The following AMN1 variants were observed in gnomAD, a reference collection of about 807,000 sequenced individuals.
The protein encoded by AMN1 is protein AMN1 homolog.
Under a neutral mutation model 33.0 loss-of-function variants are expected in AMN1, and 20 were observed. The observed-to-expected ratio is 0.61, with a 90% CI of 0.43 to 0.88. The LOEUF is 0.88. AMN1 is among the 40% of genes least tolerant of loss of function. The probability of loss-of-function intolerance (pLI) is 0.00; values close to 1 mark genes in which losing one functional copy is unlikely to be tolerated. For missense variants in AMN1, 246 were observed against 307.4 expected (o/e 0.80, Z 1.49); for synonymous variants, 114 against 111.9 (o/e 1.02, Z -0.12).
chr12:31,727,777 C>A (rs1372164912), intron 1 of AMN1, among the ~76,000 whole-genome samples: 1 of 149,292 alleles, frequency 6.7e-6, no homozygotes, highest in Non-Finnish European at 1.5e-5. Context: ...CGCCTAGCAG[C>A]CTAGGCGTGC....
intron 5 of AMN1, 50 bp downstream of exon 5, chr12:31,697,311 A>T: frequency 5.3e-6 from 8 of 1,506,064 alleles, no homozygotes; most frequent in Non-Finnish European, 7.3e-6. Context: ...ATAATTTCTA[A>T]GAATATAAAA....
intron 6 of AMN1, among the ~76,000 whole-genome samples, chr12:31,678,195 C>T (rs1021184626): frequency 6.6e-6 from 1 of 152,168 alleles, no homozygotes; most frequent in Non-Finnish European, 1.5e-5. Context: ...TTATTAACCT[C>T]CCTTTTCGTA....
At chr12:31,692,795 T>C (rs1938560102) in intron 5 of AMN1, among the ~76,000 whole-genome samples, 1 of 152,138 alleles carries the variant, frequency 6.6e-6, no homozygotes, top group Non-Finnish European at 1.5e-5. Context: ...AGTAAATGCT[T>C]AATAAATATT....
intron 6 of AMN1, among the ~76,000 whole-genome samples, chr12:31,681,790 C>T (rs1026676610): frequency 9.5e-4 from 144 of 152,250 alleles, no homozygotes; most frequent in Admixed American, 9.4e-3. Flanking sequence ...ATCCTCCCAC[C>T]TCAGCCTCCC....
intron 6 of AMN1, among the ~76,000 whole-genome samples, chr12:31,676,591 C>G (rs182690789): frequency 0.013 from 1,965 of 148,234 alleles, 82 homozygotes; most frequent in African/African-American, 0.046. Flanking sequence ...CAAAGTGCTG[C>G]AATTACAGGT....
rs1200766569 is a variant in AMN1, at chr12:31,697,428, G to A, written c.535-11C>T. ...ACCACTGTCAGATACCTAAGCAAAG[G>A]GAAAAAGAAACACAGTCCATGAATC... On this transcript the variant is annotated splice_polypyrimidine_tract_variant and intron_variant, in intron 4 of 6. Transcript: ENST00000281471. 1 of 1,611,016 alleles carries A rather than the reference G, an allele frequency of 6.2e-7. No homozygotes were observed. The highest frequency in any genetic ancestry group is 8.5e-7 in the Non-Finnish European group (1 of 1,178,760).
chr12:31,688,698 C>A (rs151251581), intron 6 of AMN1, among the ~76,000 whole-genome samples: 1 of 152,236 alleles, frequency 6.6e-6, no homozygotes, highest in East Asian at 1.9e-4. Flanking sequence ...GTAGTCCCAG[C>A]TACTCAGGAG....
intron 4 of AMN1, 27 bp downstream of exon 4, chr12:31,697,713 T>G: frequency 6.3e-7 from 1 of 1,586,956 alleles, no homozygotes; most frequent in Non-Finnish European, 8.7e-7. Flanking sequence ...ACATAGTCTA[T>G]ATGTTTGTAG....
Position 31,671,588 on chromosome 12 carries a change from A to ATATTCTG in AMN1, c.*709_*715dup, listed in dbSNP as rs1327401191. ...CCTGAGGATACAAGTCTCTGTAGTG[A>ATATTCTG]TATTCTGTATTTACTCATTTTTACA... On this transcript the variant is annotated 3_prime_UTR_variant, in exon 7 of 7. Transcript: ENST00000281471. 2 of 152,174 alleles carry ATATTCTG rather than the reference A, an allele frequency of 1.3e-5. No individual in the cohort carries two copies. The highest frequency in any genetic ancestry group is 1.3e-4 in the Admixed American group (2 of 15,282). 9.4% of individuals were successfully genotyped at this position (152,174 alleles called of 1,614,324 possible). A position where few individuals can be genotyped will look rare whatever the true frequency, so the allele number is the denominator to read the frequency against.
chr12:31,695,170 A>C (rs1023888641), intron 5 of AMN1, among the ~76,000 whole-genome samples: 1 of 151,940 alleles, frequency 6.6e-6, no homozygotes. Context: ...GGTGCTCTTA[A>C]TTTTATAATG....
chr12:31,705,433 G>A (rs1939189041), intron 2 of AMN1, among the ~76,000 whole-genome samples: 1 of 152,120 alleles, frequency 6.6e-6, no homozygotes, highest in East Asian at 1.9e-4. Context: ...AGGAGGTTGA[G>A]GCTGCAGTGA....
intron 1 of AMN1, among the ~76,000 whole-genome samples, chr12:31,726,078 T>C (rs1056113132): frequency 1.1e-4 from 17 of 152,242 alleles, no homozygotes; most frequent in Admixed American, 9.8e-4. Context: ...TCTGATTCAT[T>C]TTCCCCGTAA....
rs1172934877 is a variant in AMN1, at chr12:31,709,393, C to T, written c.71G>A (p.Arg24Lys). The T allele has an allele frequency of 6.2e-7, 1 of 1,613,692 alleles. No homozygotes were observed. Among genetic ancestry groups the T allele is most frequent in the Non-Finnish European group, 8.5e-7 (1 of 1,179,702 alleles). The change falls in exon 2 of 7, where the codon AGA (arginine) becomes AAA (lysine). Residue 24 changes from arginine to lysine, a missense_variant. Physicochemically the swap from Arg to Lys is conservative, Grantham distance 26. Coordinates refer to ENST00000281471, the MANE Select transcript of AMN1 (RefSeq NM_001113402.2). ...CAAAGGCTTAATGTCTGTGAGATATCTGGAAATATTCTTCATGAAGCACCA... is the reference window on the plus strand; with the variant it reads ...CAAAGGCTTAATGTCTGTGAGATATTTGGAAATATTCTTCATGAAGCACCA... ...CLWCFMKNIS[R>K]YLTDIKPLPP...
At chr12:31,713,030 C>A (rs779275262) in intron 1 of AMN1, among the ~76,000 whole-genome samples, 1 of 152,072 alleles carries the variant, frequency 6.6e-6, no homozygotes, top group African/African-American at 2.4e-5. Context: ...TATTTATTTT[C>A]TTTTGGATAT....
intron 3 of AMN1, among the ~76,000 whole-genome samples, chr12:31,699,504 G>A (rs1444533549): frequency 6.6e-6 from 1 of 151,972 alleles, no homozygotes; most frequent in African/African-American, 2.4e-5. Context: ...TTCTGGGTTG[G>A]TGAATGCATC....
chr12:31,674,480 CTACTTT>C (rs1951344551), intron 6 of AMN1, among the ~76,000 whole-genome samples: 1 of 151,846 alleles, frequency 6.6e-6, no homozygotes, highest in Admixed American at 6.6e-5. Context: ...CTCTCTCCTT[CTACTTT>C]TAAGGACCCT....
intron 1 of AMN1, among the ~76,000 whole-genome samples, chr12:31,720,713 G>T (rs182833119): frequency 4.5e-4 from 69 of 152,170 alleles, no homozygotes; most frequent in Admixed American, 1.4e-3. Context: ...TGTTTTCAAG[G>T]TTTATCCACA....
At chr12:31,726,871 G>T (rs1411596414) in intron 1 of AMN1, among the ~76,000 whole-genome samples, 1 of 152,132 alleles carries the variant, frequency 6.6e-6, no homozygotes, top group South Asian at 2.1e-4. Context: ...AAGTTCTGAA[G>T]AATTTTTCTT....
chr12:31,680,456 C>T (rs118174273), intron 6 of AMN1, among the ~76,000 whole-genome samples: 5,478 of 152,172 alleles, frequency 0.036, 121 homozygotes, highest in Middle Eastern at 0.071. Context: ...CTGCCTCGGC[C>T]CCCCCACAGG....
Sources: allele counts gnomAD v4.1 joint callset (sites outside exome capture counted in the v4.1 genomes callset), GRCh38; gene constraint gnomAD v4.1.1; transcripts MANE v1.5; gene names NCBI Gene and HGNC (gene_info 2026-07-23, HGNC 2026-07-21).